Variants in PRPSAP2 observed in about 807,000 individuals in gnomAD.
The protein encoded by PRPSAP2 is phosphoribosyl pyrophosphate synthase-associated protein 2.
PRPSAP2 carries 24 observed loss-of-function variants against 40.6 expected under a neutral mutation model. That is an observed-to-expected ratio of 0.59 (90% CI 0.43 to 0.83). PRPSAP2 has a LOEUF of 0.83. Ranked by LOEUF, PRPSAP2 falls within the 40% of genes least tolerant of loss-of-function variation. The probability of loss-of-function intolerance (pLI) is 0.00; values close to 1 mark genes in which losing one functional copy is unlikely to be tolerated. For missense variants in PRPSAP2, 292 were observed against 465.6 expected, an observed-to-expected ratio of 0.63 and a Z score of 3.43; for synonymous variants, 149 against 164.7, an observed-to-expected ratio of 0.90 and a Z score of 0.73.
Position 18,930,883 on chromosome 17 carries a change from C to G in PRPSAP2, c.*185C>G, listed in dbSNP as rs2042221824. The G allele has an allele frequency of 2.3e-6, 1 of 436,792 alleles. No individual in the cohort carries two copies. Among genetic ancestry groups the G allele is most frequent in the African/African-American group, 2.0e-5 (1 of 49,876 alleles). 27.1% of individuals were successfully genotyped at this position (436,792 alleles called of 1,614,324 possible). ...TTTGGGTGTTTGTGAGTTTGGGGAG[C>G]AATTTTTATAAAAGAAAAACTTTAT... On this transcript the variant is annotated 3_prime_UTR_variant, in exon 12 of 12. Transcript: ENST00000268835.
At chr17:18,913,720 G>GT (rs1003062964) in intron 9 of PRPSAP2, among the ~76,000 whole-genome samples, 4 of 150,684 alleles carry the variant, frequency 2.7e-5, no homozygotes, top group African/African-American at 9.8e-5. Flanking sequence ...GCTAATTTTT[G>GT]TATTTTTTGT....
chr17:18,866,251 A>G (rs1351289127), intron 3 of PRPSAP2, among the ~76,000 whole-genome samples: 1 of 152,016 alleles, frequency 6.6e-6, no homozygotes, highest in East Asian at 1.9e-4. Context: ...TGCTATATAT[A>G]TATATAATTA....
At chr17:18,880,705 G>A (rs914595895) in intron 6 of PRPSAP2, among the ~76,000 whole-genome samples, 32 of 152,132 alleles carry the variant, frequency 2.1e-4, no homozygotes, top group African/African-American at 7.5e-4. Context: ...CACCACACCC[G>A]GCTGACTTGT....
chr17:18,899,891 G>A (rs1051107118), intron 8 of PRPSAP2, among the ~76,000 whole-genome samples: 1 of 147,864 alleles, frequency 6.8e-6, no homozygotes, highest in Non-Finnish European at 1.5e-5. Context: ...ATAAGTTTTT[G>A]GTTCTCTTTT....
At chr17:18,895,358 C>T (rs1170801733) in intron 8 of PRPSAP2, among the ~76,000 whole-genome samples, 2 of 151,772 alleles carry the variant, frequency 1.3e-5, no homozygotes, top group Non-Finnish European at 2.9e-5. Context: ...GGATTGCAGG[C>T]ATGAGCCATC....
At position 18,911,311 on chromosome 17, in the gene PRPSAP2, G is replaced by C. The variant is rs953002340; in HGVS notation, c.733+60G>C. The C allele has an allele frequency of 2.1e-6, 3 of 1,431,466 alleles. No individual in the cohort carries two copies. The highest frequency in any genetic ancestry group is 4.9e-5 in the East Asian group (2 of 41,120). The allele number at this position is 1,431,466 out of a possible 1,614,324, so 88.7% of individuals were successfully genotyped here. A position where few individuals can be genotyped will look rare whatever the true frequency, so the allele number is the denominator to read the frequency against. On this transcript the variant is annotated intron_variant, in intron 9 of 11. Transcript: ENST00000268835. The surrounding 1 kb of genome is among the most constrained non-coding windows in gnomAD (Gnocchi z 4.5). Reference sequence around the variant, plus strand: ...TGATTTTAAGGCTGACTACACTGTTGTCTGTGTGGTTTTTTTCCTCATTCT... The same window carrying C: ...TGATTTTAAGGCTGACTACACTGTTCTCTGTGTGGTTTTTTTCCTCATTCT...
At chr17:18,929,385 T>TAAC (rs1273008110) in intron 11 of PRPSAP2, among the ~76,000 whole-genome samples, 16 of 150,904 alleles carry the variant, frequency 1.1e-4, no homozygotes, top group African/African-American at 3.9e-4. Context: ...ATAATAATAA[T>TAAC]AATAATGTGT....
At position 18,920,437 on chromosome 17, in the gene PRPSAP2, A is replaced by C. The variant is rs572048756; in HGVS notation, c.734-3477A>C. Among the ~76,000 whole-genome samples, 4 of 152,086 alleles carry C rather than the reference A, an allele frequency of 2.6e-5. No individual in the cohort carries two copies. In the East Asian group the frequency reaches 7.7e-4, roughly 29 times the overall value. ...TCATAATTTTAATTATAATGTTTCT[A>C]TGTTTATGTTTTGACTCAAGTAGTG... On this transcript the variant is annotated intron_variant, in intron 9 of 11. Coordinates refer to ENST00000268835, the MANE Select transcript of PRPSAP2 (RefSeq NM_002767.4).
intron 9 of PRPSAP2, among the ~76,000 whole-genome samples, 175 bp from the exon 10 acceptor site, chr17:18,923,739 G>A (rs1333255215): frequency 6.6e-6 from 1 of 152,150 alleles, no homozygotes; most frequent in African/African-American, 2.4e-5. Flanking sequence ...TTTGGCCTTC[G>A]GCCATAAAGT....
rs1201159228 is a variant in PRPSAP2 at position 18,894,479 on chromosome 17, CTTT to C, written c.584+4618_584+4620del. Among the ~76,000 whole-genome samples, 9 of 120,554 alleles carry C rather than the reference CTTT, an allele frequency of 7.5e-5. 1 individual carries two copies. The highest frequency in any genetic ancestry group is 5.3e-4 in the South Asian group (2 of 3,766). The allele number at this position is 120,554 out of a possible 152,430, so 79.1% of individuals were successfully genotyped here. On this transcript the variant is annotated intron_variant, in intron 8 of 11. Transcript: ENST00000268835. ...CGGCCCTCTGTAGCTTTTCAATAGT[CTTT>C]TTTTTTTTTTTTTTTGAGACAGAGT... is the stretch of plus-strand genomic sequence containing the variant.
chr17:18,882,371 C>A (rs867876689), intron 6 of PRPSAP2, among the ~76,000 whole-genome samples, 197 bp from the exon 7 acceptor site: 1 of 151,714 alleles, frequency 6.6e-6, no homozygotes, highest in Non-Finnish European at 1.5e-5. Context: ...ATTATCTGGG[C>A]GTGGTGGCAT....
chr17:18,903,194 G>A (rs901828864), intron 8 of PRPSAP2, among the ~76,000 whole-genome samples: 3 of 151,918 alleles, frequency 2.0e-5, no homozygotes, highest in African/African-American at 4.8e-5. Context: ...TTGGGAGGCC[G>A]AGATGGGTGG....
At chr17:18,885,595 GT>G (rs963330832) in intron 7 of PRPSAP2, among the ~76,000 whole-genome samples, 3 of 148,900 alleles carry the variant, frequency 2.0e-5, no homozygotes, top group Non-Finnish European at 3.0e-5. Flanking sequence ...TTTGTTTTTT[GT>G]TTTTTTTTGA....
chr17:18,925,627 T>G (rs377258008), intron 10 of PRPSAP2, among the ~76,000 whole-genome samples: 2 of 152,318 alleles, frequency 1.3e-5, no homozygotes, highest in African/African-American at 4.8e-5. Flanking sequence ...TATTTTCTGG[T>G]GCAAAAGTGT....
intron 8 of PRPSAP2, among the ~76,000 whole-genome samples, chr17:18,906,203 ATTGTTTGT>A (rs112612533): frequency 1.3e-5 from 2 of 151,678 alleles, no homozygotes; most frequent in Non-Finnish European, 2.9e-5. Flanking sequence ...TGTGTCTGAG[ATTGTTTGT>A]TTGTTTGTTT....
intron 6 of PRPSAP2, among the ~76,000 whole-genome samples, chr17:18,879,912 C>T (rs1250842772): frequency 2.0e-5 from 3 of 151,762 alleles, no homozygotes; most frequent in African/African-American, 7.3e-5. Flanking sequence ...GCCTAACCAA[C>T]ATGGAAAAAC....
At chr17:18,924,221 G>A (rs1001749459) in intron 10 of PRPSAP2, among the ~76,000 whole-genome samples, 4 of 152,098 alleles carry the variant, frequency 2.6e-5, no homozygotes, top group Non-Finnish European at 5.9e-5. Flanking sequence ...TGTATTTTTA[G>A]TAGAGATGGG....
intron 8 of PRPSAP2, among the ~76,000 whole-genome samples, chr17:18,893,132 T>G (rs1315726907): frequency 6.6e-6 from 1 of 150,866 alleles, no homozygotes; most frequent in Non-Finnish European, 1.5e-5. Flanking sequence ...AAGGTTTCAA[T>G]GCTGATAAAG....
At chr17:18,897,666 T>C (rs1222452207) in intron 8 of PRPSAP2, among the ~76,000 whole-genome samples, 1 of 152,156 alleles carries the variant, frequency 6.6e-6, no homozygotes, top group Non-Finnish European at 1.5e-5. Flanking sequence ...TTTCACTATG[T>C]TGGCCAGGCT....
Sources: allele counts gnomAD v4.1 joint callset (sites outside exome capture counted in the v4.1 genomes callset), GRCh38; gene constraint gnomAD v4.1.1; non-coding constraint Gnocchi (gnomAD v3.1); transcripts MANE v1.5; gene names NCBI Gene and HGNC (gene_info 2026-07-23, HGNC 2026-07-21).